NEGR1: variants seen among roughly 807,000 people sequenced by gnomAD.
NEGR1 encodes IgLON family member 4.
Under a neutral mutation model 40.9 loss-of-function variants are expected in NEGR1, and 10 were observed. The observed-to-expected ratio is 0.24, with a 90% CI of 0.15 to 0.42. The LOEUF (loss-of-function observed/expected upper bound fraction) is 0.42. NEGR1 is among the 10% of genes least tolerant of loss of function. The pLI is 1.00. For synonymous variants in NEGR1, 185 were observed against 166.8 expected (o/e 1.11, Z -0.84); for missense variants, 352 against 438.9 (o/e 0.80, Z 1.77).
intron 2 of NEGR1, among the ~76,000 whole-genome samples, chr1:71,894,171 A>G (rs1230593688): frequency 7.0e-6 from 1 of 143,360 alleles, no homozygotes; most frequent in African/African-American, 2.6e-5. Context: ...ATGTATACAT[A>G]TGTAACTAAC....
At chr1:71,790,446 G>T (rs756554930) in intron 2 of NEGR1, among the ~76,000 whole-genome samples, 1 of 152,014 alleles carries the variant, frequency 6.6e-6, no homozygotes, top group East Asian at 1.9e-4. Flanking sequence ...GCCATTAGAC[G>T]CCAGACAGAA....
chr1:71,502,728 A>C (rs1212342591), intron 6 of NEGR1, among the ~76,000 whole-genome samples: 1 of 152,226 alleles, frequency 6.6e-6, no homozygotes, highest in Non-Finnish European at 1.5e-5. Context: ...CATGGCAACC[A>C]GGCAACCTCG....
intron 1 of NEGR1, among the ~76,000 whole-genome samples, chr1:72,272,874 G>T (rs1284934956): frequency 6.6e-6 from 1 of 152,026 alleles, no homozygotes; most frequent in Non-Finnish European, 1.5e-5. Flanking sequence ...TATTTGGAAA[G>T]TACAATATAT....
chr1:71,460,401 C>G (rs1646706454), intron 6 of NEGR1, among the ~76,000 whole-genome samples: 1 of 152,190 alleles, frequency 6.6e-6, no homozygotes, highest in South Asian at 2.1e-4. Flanking sequence ...TTACTCACAG[C>G]TCTGCAAGTG....
chr1:71,657,306 CA>C (rs1211909179), intron 4 of NEGR1, among the ~76,000 whole-genome samples: 1 of 152,108 alleles, frequency 6.6e-6, no homozygotes, highest in African/African-American at 2.4e-5. Context: ...AAAAAAGGCT[CA>C]AGATCAAGAA....
chr1:72,253,057 G>T (rs753376286), intron 1 of NEGR1, among the ~76,000 whole-genome samples: 1 of 152,158 alleles, frequency 6.6e-6, no homozygotes, highest in Non-Finnish European at 1.5e-5. Flanking sequence ...ACTTCCTTTA[G>T]TTGGGTGCAT....
chr1:72,274,967 G>A, intron 1 of NEGR1: 2 of 1,526,770 alleles, frequency 1.3e-6, no homozygotes, highest in Non-Finnish European at 1.8e-6. Context: ...GCAGCACAAG[G>A]GAAGTACATT....
intron 1 of NEGR1, among the ~76,000 whole-genome samples, chr1:72,207,155 A>G (rs1403939076): frequency 2.0e-5 from 3 of 151,734 alleles, no homozygotes; most frequent in Non-Finnish European, 4.4e-5. Context: ...GTGAAAAAAG[A>G]AAAGTTAAAA....
intron 1 of NEGR1, among the ~76,000 whole-genome samples, chr1:72,156,981 T>C (rs1343547602): frequency 1.3e-5 from 2 of 152,000 alleles, no homozygotes; most frequent in African/African-American, 4.8e-5. Context: ...TTGTGTGTTT[T>C]TGAGACAGTG....
At position 71,492,885 on chromosome 1, in the gene NEGR1, G is replaced by T. The variant is rs1443026458; in HGVS notation, c.941-85315C>A. ...TAGTCTGTAAGGCATCCCCTATTGGGCTTCTCCTTTTATTTCAAATTTGCT... is the reference window on the plus strand; with the variant it reads ...TAGTCTGTAAGGCATCCCCTATTGGTCTTCTCCTTTTATTTCAAATTTGCT... On this transcript the variant is annotated intron_variant, in intron 6 of 6. Coordinates refer to ENST00000357731, the MANE Select transcript of NEGR1 (RefSeq NM_173808.3). 2.0e-5 allele frequency among the ~76,000 whole-genome samples: 3 copies of T among 152,052 alleles called. No individual in the cohort carries two copies. The East Asian group carries it at 5.8e-4, about 29-fold the overall frequency.
intron 6 of NEGR1, among the ~76,000 whole-genome samples, chr1:71,522,790 A>G (rs978743880): frequency 2.0e-5 from 3 of 151,376 alleles, no homozygotes; most frequent in African/African-American, 4.8e-5. Flanking sequence ...GCCTAACAGT[A>G]AAGGTACAGA....
At chr1:71,730,982 A>T (rs796304946) in intron 3 of NEGR1, among the ~76,000 whole-genome samples, 1 of 151,750 alleles carries the variant, frequency 6.6e-6, no homozygotes, top group South Asian at 2.1e-4. Context: ...GTCAATAGCA[A>T]GTAAGAAATT....
intron 2 of NEGR1, among the ~76,000 whole-genome samples, chr1:71,818,718 A>T: frequency 6.6e-6 from 1 of 152,010 alleles, no homozygotes; most frequent in East Asian, 1.9e-4. Context: ...AATAATAAAT[A>T]CATAAAAATA....
At chr1:71,768,238 T>A (rs1656197350) in intron 3 of NEGR1, among the ~76,000 whole-genome samples, 1 of 152,174 alleles carries the variant, frequency 6.6e-6, no homozygotes, top group Admixed American at 6.5e-5. Flanking sequence ...CAGCAACCAC[T>A]CAACATTAGC....
intron 2 of NEGR1, among the ~76,000 whole-genome samples, chr1:71,795,065 C>A (rs1162411440): frequency 6.6e-6 from 1 of 151,762 alleles, no homozygotes; most frequent in East Asian, 1.9e-4. Context: ...ATATTGGTGA[C>A]ACTTAAAAAA....
intron 1 of NEGR1, among the ~76,000 whole-genome samples, chr1:72,003,614 TG>T (rs5775099): frequency 0.25 from 38,083 of 151,914 alleles, 5,487 homozygotes; most frequent in African/African-American, 0.39. Context: ...GATTAAATTT[TG>T]TTTTTAGACC....
intron 1 of NEGR1, among the ~76,000 whole-genome samples, chr1:72,129,407 G>A (rs919236062): frequency 6.6e-6 from 1 of 152,082 alleles, no homozygotes; most frequent in Non-Finnish European, 1.5e-5. Context: ...ACTACATCTA[G>A]TTAATACAAA....
At chr1:71,919,415 T>C (rs1661694501) in intron 2 of NEGR1, among the ~76,000 whole-genome samples, 2 of 152,188 alleles carry the variant, frequency 1.3e-5, no homozygotes, top group African/African-American at 4.8e-5. Flanking sequence ...ACAACATCTT[T>C]TGTGGATAAG....
At chr1:71,732,753 T>A (rs958209608) in intron 3 of NEGR1, among the ~76,000 whole-genome samples, 1 of 152,214 alleles carries the variant, frequency 6.6e-6, no homozygotes, top group African/African-American at 2.4e-5. Flanking sequence ...TTTCTCTTTA[T>A]GCTATTGTAC....
Sources: allele counts gnomAD v4.1 joint callset (sites outside exome capture counted in the v4.1 genomes callset), GRCh38; gene constraint gnomAD v4.1.1; transcripts MANE v1.5; gene names NCBI Gene and HGNC (gene_info 2026-07-23, HGNC 2026-07-21).